BRSK2: variants seen among roughly 807,000 people sequenced by gnomAD.
BRSK2 encodes the protein BR serine/threonine kinase 2, also known as serine/threonine-protein kinase BRSK2.
In BRSK2, 19 loss-of-function variants were observed where a neutral mutation model predicts 83.3. The observed-to-expected ratio is 0.23, with a 90% confidence interval of 0.16 to 0.33. The LOEUF is 0.33. Among genes scored for constraint, BRSK2 ranks in the 10% least tolerant of loss-of-function variants. The pLI, the probability that BRSK2 is intolerant of heterozygous loss-of-function variation, is 1.00. For missense variants in BRSK2, 798 were observed against 1,042.3 expected, an observed-to-expected ratio of 0.77 and a Z score of 3.23; for synonymous variants, 519 against 435.4, an observed-to-expected ratio of 1.19 and a Z score of -2.39.
chr11:1,428,660 C>G (rs1849526785), intron 1 of BRSK2, among the ~76,000 whole-genome samples: 1 of 152,226 alleles, frequency 6.6e-6, no homozygotes, highest in South Asian at 2.1e-4. Flanking sequence ...TTTCTGGAGG[C>G]AGGATTGTGC....
At chr11:1,399,896 G>T (rs1339761714) in intron 1 of BRSK2, among the ~76,000 whole-genome samples, 2 of 64,336 alleles carry the variant, frequency 3.1e-5, no homozygotes, top group African/African-American at 2.1e-4. Context: ...TCCGGGTCCT[G>T]GTGTTTTCAC....
chr11:1,447,818 G>T, intron 12 of BRSK2: 1 of 1,597,542 alleles, frequency 6.3e-7, no homozygotes, highest in Non-Finnish European at 8.5e-7. Flanking sequence ...TTCAGTAAAA[G>T]CCTGGATATC....
chr11:1,408,751 C>A (rs1847094754), intron 1 of BRSK2, among the ~76,000 whole-genome samples: 1 of 142,724 alleles, frequency 7.0e-6, no homozygotes, highest in African/African-American at 2.6e-5. Context: ...GTGTGCACGT[C>A]TGCCTGTGCA....
At chr11:1,425,560 A>T (rs1264769448) in intron 1 of BRSK2, among the ~76,000 whole-genome samples, 2 of 151,348 alleles carry the variant, frequency 1.3e-5, no homozygotes, top group Non-Finnish European at 2.9e-5. Flanking sequence ...CAATGACCCC[A>T]CCCCCTCAGG....
chr11:1,457,006 A>C, intron 18 of BRSK2: 1 of 1,596,538 alleles, frequency 6.3e-7, no homozygotes, highest in Non-Finnish European at 8.5e-7. Flanking sequence ...CTTAAGGGCC[A>C]GAAGGTGGCC....
rs374442024 is a variant in BRSK2, at chr11:1,459,311, G to A, written c.1987+72G>A. 149 of 1,552,274 alleles carry A rather than the reference G, an allele frequency of 9.6e-5. No homozygotes were observed. In the African/African-American group the frequency reaches 1.2e-3, roughly 13 times the overall value. On this transcript the variant is annotated intron_variant, in intron 19 of 19. Coordinates refer to ENST00000528841, the MANE Select transcript of BRSK2 (RefSeq NM_001256627.2). ...CGCTCACCCTCAGCCCGCTGTGGCC[G>A]CCACCTGCCGCCCGGGTTGTCCCGG... is the stretch of plus-strand genomic sequence containing the variant.
chr11:1,460,434 TTCTC>T, intron 19 of BRSK2, 62 bp from the exon 20 acceptor site: 3 of 1,054,246 alleles, frequency 2.8e-6, no homozygotes, highest in Middle Eastern at 3.0e-4. Flanking sequence ...CCCCTCCTCT[TTCTC>T]TCCCCCTTTT....
rs1197643534 is a variant in BRSK2, at chr11:1,442,545, A to G, written c.469A>G (p.Ile157Val). 1.2e-6 allele frequency: 2 copies of G among 1,612,994 alleles called. No homozygotes were observed. The highest frequency in any genetic ancestry group is 1.3e-5 in the African/African-American group (1 of 74,926). The change falls in exon 5 of 20, where the codon ATC becomes GTC. Residue 157 changes from isoleucine to valine, a missense_variant. Coordinates refer to ENST00000528841, the MANE Select transcript of BRSK2 (RefSeq NM_001256627.2). ...GCTGGACGAGAAGAACAACATCCGC[A>G]TCGCAGACTTTGGCATGGCGTCCCT... is the stretch of plus-strand genomic sequence containing the variant. ...LLLDEKNNIR[I>V]ADFGMASLQV...
intron 1 of BRSK2, among the ~76,000 whole-genome samples, chr11:1,411,866 G>T (rs1382789169): frequency 6.6e-6 from 1 of 152,222 alleles, no homozygotes; most frequent in Non-Finnish European, 1.5e-5. Context: ...TGGCATCCGG[G>T]CCCTCATCTT....
chr11:1,408,121 T>C (rs1847037420), intron 1 of BRSK2, among the ~76,000 whole-genome samples: 1 of 152,246 alleles, frequency 6.6e-6, no homozygotes, highest in African/African-American at 2.4e-5. Flanking sequence ...TGGGGCAAAC[T>C]GTGAGGCTTA....
At chr11:1,421,980 C>T (rs1229458961) in intron 1 of BRSK2, among the ~76,000 whole-genome samples, 2 of 151,758 alleles carry the variant, frequency 1.3e-5, no homozygotes, top group South Asian at 2.1e-4. Flanking sequence ...GGGGTCGGGG[C>T]AGGCTGGGGG....
intron 19 of BRSK2, chr11:1,459,528 C>T (rs947995251): frequency 2.1e-5 from 10 of 474,600 alleles, no homozygotes; most frequent in African/African-American, 9.8e-5. Flanking sequence ...GTGAGGGTCC[C>T]GCTGGTCCCA....
At position 1,445,788 on chromosome 11, in the gene BRSK2, G is replaced by C. The variant is rs1351884955; in HGVS notation, c.1107G>C (p.Met369Ile). The C allele has an allele frequency of 6.2e-7, 1 of 1,612,306 alleles. No individual in the cohort carries two copies. The highest frequency in any genetic ancestry group is 1.1e-5 in the South Asian group (1 of 91,058). Residue 369 changes from methionine (M) to isoleucine (I), a missense_variant, in exon 12 of 20, where the codon ATG becomes ATC. Coordinates refer to ENST00000528841, the MANE Select transcript of BRSK2 (RefSeq NM_001256627.2). ...DPPRKRVDSP[M>I]LNRHGKRRPE... ...CCCGGAAGCGTGTGGACTCCCCGAT[G>C]CTGAACCGGCACGGCAAGCGGCGGC...
chr11:1,447,386 C>A (rs748652454), intron 12 of BRSK2, among the ~76,000 whole-genome samples: 1 of 152,208 alleles, frequency 6.6e-6, no homozygotes, highest in East Asian at 1.9e-4. Context: ...TTGGCCTCTG[C>A]TGCAACTCCC....
At chr11:1,404,593 G>A (rs937563164) in intron 1 of BRSK2, among the ~76,000 whole-genome samples, 1 of 152,188 alleles carries the variant, frequency 6.6e-6, no homozygotes, top group Non-Finnish European at 1.5e-5. Flanking sequence ...GAGGGCAGAG[G>A]GGGCGCCCCG....
At chr11:1,447,218 C>G (rs1204226387) in intron 12 of BRSK2, among the ~76,000 whole-genome samples, 1 of 152,190 alleles carries the variant, frequency 6.6e-6, no homozygotes, top group Non-Finnish European at 1.5e-5. Context: ...CTGTCCTGAC[C>G]TTCAGTGGCC....
chr11:1,434,415 G>T (rs1850011658), intron 1 of BRSK2, among the ~76,000 whole-genome samples: 1 of 149,378 alleles, frequency 6.7e-6, no homozygotes, highest in Non-Finnish European at 1.5e-5. Flanking sequence ...GCGTGTCTGG[G>T]GGCACCTAGG....
At chr11:1,427,489 C>T (rs543111781) in intron 1 of BRSK2, among the ~76,000 whole-genome samples, 4 of 152,140 alleles carry the variant, frequency 2.6e-5, no homozygotes, top group Non-Finnish European at 4.4e-5. Context: ...GTGGCATACC[C>T]GTGGCTTCCC....
intron 12 of BRSK2, chr11:1,447,959 C>T: frequency 8.0e-7 from 1 of 1,255,976 alleles, no homozygotes; most frequent in Non-Finnish European, 1.1e-6. Flanking sequence ...TGGTGGCGGG[C>T]TGGGCTGCAG....
Sources: gnomAD v4.1 joint callset for allele counts (sites outside exome capture counted in the v4.1 genomes callset) on GRCh38, gnomAD v4.1.1 for gene constraint, MANE v1.5 for transcripts, NCBI Gene and HGNC (gene_info 2026-07-23, HGNC 2026-07-21) for gene names.